SH3RF3: variants seen among roughly 807,000 people sequenced by gnomAD.
The protein encoded by SH3RF3 is SH3 domain containing ring finger 3, also known as E3 ubiquitin-protein ligase SH3RF3.
Under a neutral mutation model 66.3 loss-of-function variants are expected in SH3RF3, and 29 were observed. The observed-to-expected ratio is 0.44, with a 90% CI of 0.33 to 0.60. The LOEUF (loss-of-function observed/expected upper bound fraction) is 0.60. Among genes scored for constraint, SH3RF3 ranks in the 20% least tolerant of loss-of-function variants. The pLI is 0.04. For synonymous variants in SH3RF3, 583 were observed against 532.0 expected (o/e 1.10, Z -1.32); for missense variants, 1,194 against 1,190.9 (o/e 1.00, Z -0.04).
At chr2:109,218,921 C>T (rs1399236013) in intron 1 of SH3RF3, among the ~76,000 whole-genome samples, 1 of 152,316 alleles carries the variant, frequency 6.6e-6, no homozygotes, top group East Asian at 1.9e-4. Context: ...GAGAGCCCTG[C>T]CTTCCCTGCA....
intron 1 of SH3RF3, among the ~76,000 whole-genome samples, chr2:109,157,558 A>G (rs570290614): frequency 6.6e-6 from 1 of 152,298 alleles, no homozygotes; most frequent in South Asian, 2.1e-4. Flanking sequence ...GAGGAAAAAG[A>G]TTTCCTTGGT....
intron 1 of SH3RF3, among the ~76,000 whole-genome samples, chr2:109,344,072 C>G (rs1682624592): frequency 6.6e-6 from 1 of 152,150 alleles, no homozygotes; most frequent in Admixed American, 6.5e-5. Flanking sequence ...ACTTTCCCCC[C>G]TGTATCCCCA....
intron 3 of SH3RF3, among the ~76,000 whole-genome samples, chr2:109,387,012 G>A (rs926318106): frequency 6.6e-6 from 1 of 152,068 alleles, no homozygotes; most frequent in African/African-American, 2.4e-5. Context: ...CTCAAAATAA[G>A]AAAATTCAGA....
intron 4 of SH3RF3, among the ~76,000 whole-genome samples, chr2:109,405,504 C>G (rs12618300): frequency 6.6e-6 from 1 of 152,124 alleles, no homozygotes; most frequent in East Asian, 1.9e-4. Flanking sequence ...CTGCGCACCA[C>G]GCTGCTCTGG....
chr2:109,384,989 A>C (rs1189254043), intron 3 of SH3RF3, among the ~76,000 whole-genome samples: 2 of 152,232 alleles, frequency 1.3e-5, no homozygotes, highest in African/African-American at 4.8e-5. Flanking sequence ...TCCTCACTGC[A>C]GTCTACCCTG....
intron 1 of SH3RF3, among the ~76,000 whole-genome samples, chr2:109,201,589 G>A (rs1238581812): frequency 6.6e-6 from 1 of 152,180 alleles, no homozygotes; most frequent in Non-Finnish European, 1.5e-5. Context: ...GTCTCTGAAA[G>A]TGTGATCTGG....
At chr2:109,377,103 C>T (rs1275717371) in intron 3 of SH3RF3, among the ~76,000 whole-genome samples, 1 of 152,192 alleles carries the variant, frequency 6.6e-6, no homozygotes, top group Non-Finnish European at 1.5e-5. Context: ...GGGGGGAGGT[C>T]TAGAATTCAA....
At chr2:109,464,590 T>C (rs1388126533) in intron 8 of SH3RF3, among the ~76,000 whole-genome samples, 1 of 152,062 alleles carries the variant, frequency 6.6e-6, no homozygotes, top group Non-Finnish European at 1.5e-5. Flanking sequence ...CACAATCGAT[T>C]TCCTCTTCTA....
chr2:109,246,462 A>T (rs1217206862), intron 1 of SH3RF3, among the ~76,000 whole-genome samples: 1 of 152,182 alleles, frequency 6.6e-6, no homozygotes, highest in Non-Finnish European at 1.5e-5. Context: ...CTCAGCTCCT[A>T]ATAGCATTAC....
At chr2:109,344,923 G>C in intron 1 of SH3RF3, among the ~76,000 whole-genome samples, 1 of 152,182 alleles carries the variant, frequency 6.6e-6, no homozygotes, top group East Asian at 1.9e-4. Flanking sequence ...GGACATCACA[G>C]GCACAGGTTG....
intron 1 of SH3RF3, among the ~76,000 whole-genome samples, chr2:109,278,768 T>C (rs963927648): frequency 5.3e-5 from 8 of 152,190 alleles, no homozygotes; most frequent in Admixed American, 4.6e-4. Context: ...TGTACCCAAC[T>C]GAAACCCATG....
chr2:109,466,047 A>T (rs537411352), intron 8 of SH3RF3, among the ~76,000 whole-genome samples: 1 of 141,400 alleles, frequency 7.1e-6, no homozygotes, highest in Non-Finnish European at 1.5e-5. Context: ...GCATCTTTTC[A>T]TATGCTTATC....
chr2:109,202,095 C>T (rs763390863), intron 1 of SH3RF3, among the ~76,000 whole-genome samples: 1 of 152,226 alleles, frequency 6.6e-6, no homozygotes, highest in Non-Finnish European at 1.5e-5. Flanking sequence ...AGCCTCCCCT[C>T]GAGGCGATCT....
intron 4 of SH3RF3, among the ~76,000 whole-genome samples, chr2:109,418,276 C>G (rs1676778004): frequency 6.6e-6 from 1 of 152,156 alleles, no homozygotes; most frequent in African/African-American, 2.4e-5. Context: ...CCTTCCTCCT[C>G]CAGGCTCCCT....
At chr2:109,445,805 A>C (rs989999617) in intron 7 of SH3RF3, among the ~76,000 whole-genome samples, 6 of 152,094 alleles carry the variant, frequency 3.9e-5, no homozygotes, top group Admixed American at 6.6e-5. Flanking sequence ...CTGAAGTGGG[A>C]AGCGATACCC....
chr2:109,274,547 T>C (rs1270363051), intron 1 of SH3RF3, among the ~76,000 whole-genome samples: 1 of 152,242 alleles, frequency 6.6e-6, no homozygotes, highest in African/African-American at 2.4e-5. Flanking sequence ...TCACATATTG[T>C]ATGATTTCAT....
At chr2:109,161,857 A>C (rs1011146144) in intron 1 of SH3RF3, among the ~76,000 whole-genome samples, 3 of 151,900 alleles carry the variant, frequency 2.0e-5, no homozygotes, top group Non-Finnish European at 4.4e-5. Flanking sequence ...AACATTGGGG[A>C]TCACATTTTA....
At chr2:109,152,500 G>C (rs946865233) in intron 1 of SH3RF3, among the ~76,000 whole-genome samples, 51 of 152,368 alleles carry the variant, frequency 3.3e-4, no homozygotes, top group African/African-American at 1.2e-3. Context: ...ACAGCATTCA[G>C]AGCGAAAGCT....
intron 7 of SH3RF3, among the ~76,000 whole-genome samples, chr2:109,445,515 A>C (rs1677680367): frequency 6.6e-6 from 1 of 152,270 alleles, no homozygotes; most frequent in South Asian, 2.1e-4. Context: ...AAAAATATTA[A>C]GTGTAAAGAA....
Sources: allele counts gnomAD v4.1 joint callset (sites outside exome capture counted in the v4.1 genomes callset), GRCh38; gene constraint gnomAD v4.1.1; transcripts MANE v1.5; gene names NCBI Gene and HGNC (gene_info 2026-07-23, HGNC 2026-07-21).